Variants in VAT1L observed in about 807,000 individuals in gnomAD.
The protein encoded by VAT1L is vesicle amine transport 1 like.
Under a neutral mutation model 44.1 loss-of-function variants are expected in VAT1L, and 34 were observed. The observed-to-expected ratio is 0.77, with a 90% confidence interval of 0.59 to 1.03. VAT1L has a LOEUF of 1.03. Ranked by LOEUF, VAT1L falls within the 50% of genes least tolerant of loss-of-function variation. VAT1L has a pLI of 0.00. For synonymous variants in VAT1L, 253 were observed against 202.2 expected (o/e 1.25, Z -2.13); for missense variants, 615 against 538.8 (o/e 1.14, Z -1.40).
intron 7 of VAT1L, among the ~76,000 whole-genome samples, chr16:77,887,002 G>A (rs1162819433): frequency 3.9e-5 from 6 of 152,146 alleles, no homozygotes; most frequent in Non-Finnish European, 8.8e-5. Context: ...AAGAGCCAGT[G>A]TTCATCCCAC....
chr16:77,964,470 A>G (rs1399116006), intron 7 of VAT1L, among the ~76,000 whole-genome samples: 2 of 152,030 alleles, frequency 1.3e-5, no homozygotes, highest in African/African-American at 4.8e-5. Context: ...CCCTTGTCCC[A>G]TCACCTGCTC....
intron 7 of VAT1L, among the ~76,000 whole-genome samples, chr16:77,887,265 A>G (rs1395890124): frequency 6.6e-6 from 1 of 152,200 alleles, no homozygotes; most frequent in African/African-American, 2.4e-5. Flanking sequence ...CAAGGGCTGG[A>G]TGGAAATTTG....
At chr16:77,901,645 A>G (rs953161826) in intron 7 of VAT1L, among the ~76,000 whole-genome samples, 1 of 152,168 alleles carries the variant, frequency 6.6e-6, no homozygotes, top group African/African-American at 2.4e-5. Context: ...CCAGGTTTGC[A>G]GGCCATCAGC....
At chr16:77,974,007 G>A (rs1337635241) in intron 8 of VAT1L, among the ~76,000 whole-genome samples, 2 of 152,160 alleles carry the variant, frequency 1.3e-5, no homozygotes, top group African/African-American at 2.4e-5. Flanking sequence ...ATGAGCCACC[G>A]CACCCGGCCA....
intron 1 of VAT1L, among the ~76,000 whole-genome samples, chr16:77,799,201 C>G (rs2015995254): frequency 6.6e-6 from 1 of 151,762 alleles, no homozygotes; most frequent in Non-Finnish European, 1.5e-5. Context: ...CTCTCTTCCT[C>G]TCCCGGTCCT....
chr16:77,811,030 T>C (rs575584218), intron 1 of VAT1L, among the ~76,000 whole-genome samples: 1 of 152,174 alleles, frequency 6.6e-6, no homozygotes, highest in Non-Finnish European at 1.5e-5. Flanking sequence ...TTCTATTGAG[T>C]ATAATAGGAA....
intron 3 of VAT1L, among the ~76,000 whole-genome samples, chr16:77,835,174 A>C (rs965812420): frequency 7.2e-5 from 11 of 152,172 alleles, no homozygotes; most frequent in Non-Finnish European, 1.3e-4. Context: ...AGCTGTCACA[A>C]GCCAATTTTT....
At chr16:77,933,917 A>G (rs951518439) in intron 7 of VAT1L, among the ~76,000 whole-genome samples, 2 of 152,164 alleles carry the variant, frequency 1.3e-5, no homozygotes, top group African/African-American at 4.8e-5. Flanking sequence ...GAATCTGGAA[A>G]ATTTCTAGCC....
chr16:77,834,381 TC>T (rs2016616237), intron 3 of VAT1L, among the ~76,000 whole-genome samples: 1 of 152,052 alleles, frequency 6.6e-6, no homozygotes, highest in African/African-American at 2.4e-5. Context: ...TTTCAAACCA[TC>T]CTCCCTGCCC....
Position 77,825,560 on chromosome 16 carries a change from G to A in VAT1L, c.579+99G>A, listed in dbSNP as rs1010107761. 14 of 1,322,860 alleles carry A rather than the reference G, an allele frequency of 1.1e-5. No homozygotes were observed. The African/African-American group carries it at 1.8e-4, about 17-fold the overall frequency. 81.9% of individuals were successfully genotyped at this position (1,322,860 alleles called of 1,614,324 possible). A position where few individuals can be genotyped will look rare whatever the true frequency, so the allele number is the denominator to read the frequency against. On this transcript the variant is annotated intron_variant, in intron 3 of 8. Transcript: ENST00000302536. ...TTATGTGAGCTATGTCCTTTAGCAG[G>A]AATCATCACTATGGTTCTGGTAGAG...
rs974621625 is a variant in VAT1L, at chr16:77,944,073, G to A, written c.1078-27777G>A. Among the ~76,000 whole-genome samples the A allele has an allele frequency of 2.6e-5, 4 of 152,118 alleles. No individual in the cohort carries two copies. The East Asian group carries it at 5.8e-4, about 22-fold the overall frequency. On this transcript the variant is annotated intron_variant, in intron 7 of 8. Coordinates refer to ENST00000302536, the MANE Select transcript of VAT1L (RefSeq NM_020927.3). ...AGTTTCGTCCTTTGAGGGGCAGCTG[G>A]CAATGTCCGGAGACATTTTTGATTC...
intron 7 of VAT1L, among the ~76,000 whole-genome samples, chr16:77,925,413 T>C (rs1364696902): frequency 6.6e-6 from 1 of 152,200 alleles, no homozygotes; most frequent in Non-Finnish European, 1.5e-5. Context: ...AGTTTCAGCC[T>C]ACCATTTACA....
At position 77,914,709 on chromosome 16, in the gene VAT1L, G is replaced by A. The variant is rs139016799; in HGVS notation, c.1077+29907G>A. On this transcript the variant is annotated intron_variant, in intron 7 of 8. Transcript: ENST00000302536. ...TGATTGGGTAAAGAGTTGTTGGGCC[G>A]GTTATTGAAGCTGAAAGAGGTTACA... Among the ~76,000 whole-genome samples the A allele has an allele frequency of 7.8e-3, 1,184 of 151,452 alleles. 19 individuals are homozygous for A. The highest frequency in any genetic ancestry group is 0.026 in the African/African-American group (1,092 of 41,224).
chr16:77,856,974 T>C (rs2016865399), intron 3 of VAT1L, among the ~76,000 whole-genome samples: 1 of 152,178 alleles, frequency 6.6e-6, no homozygotes, highest in African/African-American at 2.4e-5. Context: ...AAGACACAAA[T>C]ACTTACACTA....
intron 7 of VAT1L, among the ~76,000 whole-genome samples, chr16:77,920,565 T>C (rs1055545784): frequency 2.0e-5 from 3 of 152,210 alleles, no homozygotes; most frequent in African/African-American, 7.2e-5. Context: ...TATGAATGTA[T>C]ATAATATATA....
intron 1 of VAT1L, among the ~76,000 whole-genome samples, chr16:77,797,076 A>G (rs1350365718): frequency 6.6e-6 from 1 of 151,590 alleles, no homozygotes; most frequent in Non-Finnish European, 1.5e-5. Context: ...ACCATTACAT[A>G]GTATATCCAC....
intron 1 of VAT1L, 92 bp downstream of exon 1, chr16:77,789,007 G>T: frequency 2.2e-6 from 3 of 1,375,344 alleles, no homozygotes; most frequent in Non-Finnish European, 2.9e-6. Context: ...TGCTGCCCGG[G>T]TAGAACCGCC....
intron 7 of VAT1L, among the ~76,000 whole-genome samples, chr16:77,938,907 G>T (rs2017839363): frequency 6.6e-6 from 1 of 152,142 alleles, no homozygotes. Context: ...AGAAGAGGCA[G>T]ATAAAAGGGG....
rs144142385 is a variant in VAT1L, at chr16:77,893,045, A to T, written c.1077+8243A>T. 1.2e-3 allele frequency: 640 copies of T among 538,584 alleles called. 3 individuals are homozygous for T. The highest frequency in any genetic ancestry group is 9.3e-3 in the African/African-American group (491 of 52,738). The allele number at this position is 538,584 out of a possible 1,614,324, so 33.4% of individuals were successfully genotyped here. ...CTCGCTGCAGTTCCCTTTGGGTTCC[A>T]TGTTTTCCTTGTTCCCTTCCATGCC... On this transcript the variant is annotated intron_variant, in intron 7 of 8. Coordinates refer to ENST00000302536, the MANE Select transcript of VAT1L (RefSeq NM_020927.3).
Sources: gnomAD v4.1 joint callset for allele counts (sites outside exome capture counted in the v4.1 genomes callset) on GRCh38, gnomAD v4.1.1 for gene constraint, MANE v1.5 for transcripts, NCBI Gene and HGNC (gene_info 2026-07-23, HGNC 2026-07-21) for gene names.